The following FAT3 variants were observed in gnomAD, a reference collection of about 807,000 sequenced individuals.
FAT3 encodes protocadherin Fat 3.
In FAT3, 95 loss-of-function variants were observed where a neutral mutation model predicts 310.2. The ratio of observed to expected loss-of-function variants is 0.31; its 90% CI spans 0.26 to 0.36. FAT3 has a LOEUF of 0.36. FAT3 is among the 10% of genes least tolerant of loss of function. The pLI is 1.00. For missense variants in FAT3, 5,408 were observed against 5,715.6 expected (o/e 0.95, Z 1.74); for synonymous variants, 2,314 against 2,192.9 (o/e 1.06, Z -1.54).
chr11:92,811,649 A>T (rs1414845584), intron 13 of FAT3, among the ~76,000 whole-genome samples: 1 of 152,120 alleles, frequency 6.6e-6, no homozygotes, highest in Non-Finnish European at 1.5e-5. Flanking sequence ...AGAGATGATA[A>T]AGACTTTAAG....
intron 2 of FAT3, among the ~76,000 whole-genome samples, chr11:92,522,846 A>G (rs1355111236): frequency 5.9e-5 from 9 of 152,128 alleles, no homozygotes; most frequent in Non-Finnish European, 1.3e-4. Flanking sequence ...ATGTTTGCCC[A>G]CTGCGAATAT....
chr11:92,773,996 C>A lies in FAT3; in HGVS notation c.4196-45C>A, dbSNP rs761026897. ...AAGATATATGATATAATGCATGTAA[C>A]AAGTTATCAGATTTGCTAATTTCAT... On this transcript the variant is annotated intron_variant, in intron 6 of 27. Coordinates refer to ENST00000525166, the MANE Select transcript of FAT3 (RefSeq NM_001367949.2). The A allele has an allele frequency of 3.1e-6, 5 of 1,604,414 alleles. No individual in the cohort carries two copies. The East Asian group carries it at 1.1e-4, about 36-fold the overall frequency.
chr11:92,863,584 A>G (rs990779732), intron 21 of FAT3, among the ~76,000 whole-genome samples: 10 of 152,274 alleles, frequency 6.6e-5, no homozygotes, highest in Non-Finnish European at 1.2e-4. Flanking sequence ...TTACCTAGCT[A>G]CACCCCTAAC....
chr11:92,491,803 C>T (rs1238475982), intron 2 of FAT3, among the ~76,000 whole-genome samples: 1 of 152,066 alleles, frequency 6.6e-6, no homozygotes, highest in Non-Finnish European at 1.5e-5. Context: ...CATGCAGAGA[C>T]TACTCTTGAT....
chr11:92,644,236 C>T (rs1942065673), intron 3 of FAT3, among the ~76,000 whole-genome samples: 3 of 152,188 alleles, frequency 2.0e-5, no homozygotes, highest in African/African-American at 7.2e-5. Flanking sequence ...TGCCAAGTAC[C>T]CTGCTCAGTT....
At chr11:92,566,096 G>C (rs1955429976) in intron 3 of FAT3, among the ~76,000 whole-genome samples, 1 of 152,158 alleles carries the variant, frequency 6.6e-6, no homozygotes, top group South Asian at 2.1e-4. Context: ...AAGTCGAATT[G>C]TCCCTGTTTG....
At position 92,438,001 on chromosome 11, in the gene FAT3, G is replaced by C. The variant is rs187295439; in HGVS notation, c.3292+82597G>C. Among the ~76,000 whole-genome samples, 5 of 152,218 alleles carry C rather than the reference G, an allele frequency of 3.3e-5. No individual in the cohort carries two copies. In the East Asian group the frequency reaches 9.7e-4, roughly 29 times the overall value. The stretch of plus-strand genomic sequence containing the variant: ...AGAAAGGCCCTTGTTTTTAAAAGTG[G>C]ATGTATGGAAGGTATTCTCACAGTT... On this transcript the variant is annotated intron_variant, in intron 2 of 27. Coordinates refer to ENST00000525166, the MANE Select transcript of FAT3 (RefSeq NM_001367949.2).
chr11:92,593,402 C>T (rs1278526498), intron 3 of FAT3, among the ~76,000 whole-genome samples: 2 of 151,300 alleles, frequency 1.3e-5, no homozygotes, highest in African/African-American at 2.4e-5. Context: ...ATTTTACATT[C>T]CTATCTGCAG....
At chr11:92,345,759 C>A (rs1368512843) in intron 1 of FAT3, among the ~76,000 whole-genome samples, 3 of 152,194 alleles carry the variant, frequency 2.0e-5, no homozygotes, top group African/African-American at 4.8e-5. Context: ...CTGTCAGAGT[C>A]AAATTCACAG....
intron 3 of FAT3, among the ~76,000 whole-genome samples, chr11:92,609,952 A>G (rs925285669): frequency 3.3e-5 from 5 of 152,208 alleles, no homozygotes; most frequent in Admixed American, 1.3e-4. Flanking sequence ...AACTTCGTCA[A>G]TAATTCTAGA....
At chr11:92,523,088 G>A (rs1169580339) in intron 2 of FAT3, among the ~76,000 whole-genome samples, 1 of 152,088 alleles carries the variant, frequency 6.6e-6, no homozygotes, top group Non-Finnish European at 1.5e-5. Flanking sequence ...CTTATAGATG[G>A]CAGTGTCAAC....
chr11:92,425,231 G>A lies in FAT3; in HGVS notation c.3292+69827G>A, dbSNP rs79108945. On this transcript the variant is annotated intron_variant, in intron 2 of 27. Coordinates refer to ENST00000525166, the MANE Select transcript of FAT3 (RefSeq NM_001367949.2). ...TTTTTAAAAAGGTATTTTTCTGGTC[G>A]CTTTTGAATTCTAGGATTATAGCAT... Among the ~76,000 whole-genome samples, 77 of 151,924 alleles carry A rather than the reference G, an allele frequency of 5.1e-4. No individual in the cohort carries two copies. The East Asian group carries it at 0.014, about 27-fold the overall frequency.
chr11:92,681,159 G>T (rs1222972113), intron 3 of FAT3, among the ~76,000 whole-genome samples: 1 of 152,212 alleles, frequency 6.6e-6, no homozygotes, highest in Non-Finnish European at 1.5e-5. Context: ...ACAAAAGATC[G>T]AGATGAAATG....
At chr11:92,685,250 C>A (rs1177586006) in intron 3 of FAT3, among the ~76,000 whole-genome samples, 3 of 152,100 alleles carry the variant, frequency 2.0e-5, no homozygotes, top group East Asian at 3.8e-4. Flanking sequence ...CAAAAAGAAT[C>A]AAGATAAACT....
At position 92,345,809 on chromosome 11, in the gene FAT3, G is replaced by A. The variant is rs529626242; in HGVS notation, c.-17-6287G>A. The stretch of plus-strand genomic sequence containing the variant: ...CTAGTTTTAGCTTTCTAATAGGCAA[G>A]CTGTGTGACCTTGTTCAAATCACAT... On this transcript the variant is annotated intron_variant, in intron 1 of 27. Transcript: ENST00000525166. Among the ~76,000 whole-genome samples the A allele has an allele frequency of 4.6e-5, 7 of 152,254 alleles. No homozygotes were observed. In the South Asian group the frequency reaches 1.4e-3, roughly 32 times the overall value.
At chr11:92,598,680 T>C (rs1385398630) in intron 3 of FAT3, among the ~76,000 whole-genome samples, 2 of 152,186 alleles carry the variant, frequency 1.3e-5, no homozygotes, top group East Asian at 3.9e-4. Flanking sequence ...GCCTGATCTT[T>C]AGAGGCTTTA....
rs139788536 is a variant in FAT3, at chr11:92,410,036, T to C, written c.3292+54632T>C. Among the ~76,000 whole-genome samples, 940 of 152,280 alleles carry C rather than the reference T, an allele frequency of 6.2e-3. 16 individuals carry two copies. The highest frequency in any genetic ancestry group is 0.021 in the African/African-American group (872 of 41,562). On this transcript the variant is annotated intron_variant, in intron 2 of 27. Transcript: ENST00000525166. Reference sequence around the variant, plus strand: ...TGGGAAAAGAAAAAAATGCATGAGATGAACAAGGGTCAAAAATGTAAGGAA... The same window carrying C: ...TGGGAAAAGAAAAAAATGCATGAGACGAACAAGGGTCAAAAATGTAAGGAA...
At chr11:92,291,622 T>C (rs1946699449) in intron 1 of FAT3, among the ~76,000 whole-genome samples, 2 of 150,958 alleles carry the variant, frequency 1.3e-5, no homozygotes, top group African/African-American at 4.8e-5. Flanking sequence ...TGTATTCTAG[T>C]GGCCAAAAGT....
At chr11:92,527,267 C>A (rs908984832) in intron 3 of FAT3, among the ~76,000 whole-genome samples, 1 of 152,186 alleles carries the variant, frequency 6.6e-6, no homozygotes, top group Non-Finnish European at 1.5e-5. Flanking sequence ...TTACCAGCTT[C>A]ATGACCTTGG....
Sources: gnomAD v4.1 joint callset for allele counts (sites outside exome capture counted in the v4.1 genomes callset) on GRCh38, gnomAD v4.1.1 for gene constraint, MANE v1.5 for transcripts, NCBI Gene and HGNC (gene_info 2026-07-23, HGNC 2026-07-21) for gene names.